Variants in TBPL1 observed in about 807,000 individuals in gnomAD.
The protein encoded by TBPL1 is TATA-box binding protein like 1.
Under a neutral mutation model 22.1 loss-of-function variants are expected in TBPL1, and 4 were observed. The observed-to-expected ratio is 0.18, with a 90% CI of 0.09 to 0.41. The LOEUF is 0.41. Ranked by LOEUF, TBPL1 falls within the 10% of genes least tolerant of loss-of-function variation. TBPL1 has a pLI of 1.00. For missense variants in TBPL1, 115 were observed against 222.3 expected (o/e 0.52, Z 3.07); for synonymous variants, 64 against 71.0 (o/e 0.90, Z 0.50).
chr6:133,985,321 T>C (rs1216761617), intron 6 of TBPL1, among the ~76,000 whole-genome samples: 18 of 72,302 alleles, frequency 2.5e-4, no homozygotes, highest in South Asian at 7.3e-4. Context: ...TATATATATA[T>C]ATATATATAT....
rs1006388697 is a variant in TBPL1, at chr6:133,965,052, A to G, written c.-45+11627A>G. On this transcript the variant is annotated intron_variant, in intron 1 of 6. Coordinates refer to ENST00000237264, the MANE Select transcript of TBPL1 (RefSeq NM_004865.4). ...AGAGGCTTGATCTTGATGCATGCCA[A>G]TTCTGACACCAACTTATGAGAAGAT... 3.3e-4 allele frequency among the ~76,000 whole-genome samples: 50 copies of G among 152,332 alleles called. No individual in the cohort carries two copies. In the Middle Eastern group the frequency reaches 0.01, roughly 31 times the overall value.
At chr6:133,954,175 A>G (rs1312602556) in intron 1 of TBPL1, among the ~76,000 whole-genome samples, 1 of 152,228 alleles carries the variant, frequency 6.6e-6, no homozygotes, top group East Asian at 1.9e-4. Flanking sequence ...AATAAGACTC[A>G]AACTGCAGTC....
At chr6:133,986,876 A>C in intron 6 of TBPL1, 85 bp from the exon 7 acceptor site, 2 of 916,342 alleles carry the variant, frequency 2.2e-6, no homozygotes, top group Non-Finnish European at 3.3e-6. Flanking sequence ...TACCACTTGA[A>C]TATTTTTAAT....
chr6:133,982,989 T>A, intron 4 of TBPL1, 109 bp downstream of exon 4: 2 of 1,053,152 alleles, frequency 1.9e-6, no homozygotes, highest in Non-Finnish European at 2.6e-6. Context: ...TTCTTATGAT[T>A]AAACTTTTTC....
intron 6 of TBPL1, chr6:133,985,975 A>G (rs1399193259): frequency 2.0e-5 from 3 of 152,226 alleles, no homozygotes; most frequent in Non-Finnish European, 2.9e-5. Flanking sequence ...AACAATGCAT[A>G]TGTAAAACTC....
Position 133,953,369 on chromosome 6 carries a change from A to G in TBPL1, c.-101A>G, listed in dbSNP as rs1052757586. On this transcript the variant is annotated 5_prime_UTR_variant, in exon 1 of 7. Transcript: ENST00000237264. The stretch of plus-strand genomic sequence containing the variant: ...TCCTCCAGCTTCTCCTTCGCATCCG[A>G]CGCAACCGGCAGCAGCGCTGCCGCC... The G allele has an allele frequency of 2.6e-5, 4 of 152,870 alleles. No individual in the cohort carries two copies. The highest frequency in any genetic ancestry group is 9.7e-5 in the African/African-American group (4 of 41,396). The allele number at this position is 152,870 out of a possible 1,614,324, so 9.5% of individuals were successfully genotyped here.
intron 2 of TBPL1, among the ~76,000 whole-genome samples, chr6:133,981,163 G>A (rs1776407182): frequency 6.6e-6 from 1 of 151,862 alleles, no homozygotes; most frequent in African/African-American, 2.4e-5. Flanking sequence ...AGTAGAGACG[G>A]GGTTTCACCG....
Position 133,987,648 on chromosome 6 carries a change from G to GTGTATATATATATATATATATATA in TBPL1, c.*609_*610insGTATATATATATATATATATATAT, listed in dbSNP as rs200249148. 7 of 88,396 alleles carry GTGTATATATATATATATATATATA rather than the reference G, an allele frequency of 7.9e-5. No individual in the cohort carries two copies. The highest frequency in any genetic ancestry group is 2.5e-4 in the African/African-American group (7 of 27,578). 5.5% of individuals were successfully genotyped at this position (88,396 alleles called of 1,614,324 possible). A position where few individuals can be genotyped will look rare whatever the true frequency, so the allele number is the denominator to read the frequency against. On this transcript the variant is annotated 3_prime_UTR_variant, in exon 7 of 7. Transcript: ENST00000237264. ...TTTGTGTGTGTGTGTGTGTGTGTGT[G>GTGTATATATATATATATATATATA]TATATATATATATATATATGCACCA... is the stretch of plus-strand genomic sequence containing the variant.
Position 133,987,812 on chromosome 6 carries a change from G to A in TBPL1, c.*772G>A, listed in dbSNP as rs1776560308. Reference sequence around the variant, plus strand: ...TTATAGATAAAGGATAATGTTTTATGTTGCTAATTTAATATGATAGAAAAT... The same window carrying A: ...TTATAGATAAAGGATAATGTTTTATATTGCTAATTTAATATGATAGAAAAT... On this transcript the variant is annotated 3_prime_UTR_variant, in exon 7 of 7. Coordinates refer to ENST00000237264, the MANE Select transcript of TBPL1 (RefSeq NM_004865.4). 1 of 152,444 alleles carries A rather than the reference G, an allele frequency of 6.6e-6. No homozygotes were observed. 9.4% of individuals were successfully genotyped at this position (152,444 alleles called of 1,614,324 possible).
intron 1 of TBPL1, among the ~76,000 whole-genome samples, chr6:133,965,826 TATA>T (rs1776108552): frequency 6.6e-6 from 1 of 152,194 alleles, no homozygotes; most frequent in Non-Finnish European, 1.5e-5. Flanking sequence ...AGAAAGGAGA[TATA>T]ATAATAGTAA....
chr6:133,974,084 G>C (rs945755570), intron 1 of TBPL1, among the ~76,000 whole-genome samples: 4 of 149,514 alleles, frequency 2.7e-5, no homozygotes, highest in African/African-American at 9.8e-5. Flanking sequence ...ATATAACTAT[G>C]TAAGTGCATA....
At chr6:133,964,825 A>G (rs923766536) in intron 1 of TBPL1, among the ~76,000 whole-genome samples, 7 of 152,348 alleles carry the variant, frequency 4.6e-5, no homozygotes, top group South Asian at 4.1e-4. Context: ...TGTGCATGAC[A>G]TAGACCTTAA....
chr6:133,955,050 A>T (rs1030388593), intron 1 of TBPL1, among the ~76,000 whole-genome samples: 2 of 152,226 alleles, frequency 1.3e-5, no homozygotes, highest in Non-Finnish European at 2.9e-5. Flanking sequence ...CATTAAGAAG[A>T]AAAAGATAGA....
At chr6:133,986,186 A>G (rs963865834) in intron 6 of TBPL1, among the ~76,000 whole-genome samples, 1 of 152,130 alleles carries the variant, frequency 6.6e-6, no homozygotes, top group Non-Finnish European at 1.5e-5. Context: ...TGTGGTTAGG[A>G]CTTTCAGAGA....
At chr6:133,953,947 A>G (rs1393056166) in intron 1 of TBPL1, among the ~76,000 whole-genome samples, 2 of 152,108 alleles carry the variant, frequency 1.3e-5, no homozygotes, top group Non-Finnish European at 2.9e-5. Flanking sequence ...TTATTTTATT[A>G]TTATTTTTGA....
At chr6:133,984,850 T>G (rs960415501) in intron 6 of TBPL1, 179 bp downstream of exon 6, 28 of 553,890 alleles carry the variant, frequency 5.1e-5, no homozygotes, top group Non-Finnish European at 8.4e-5. Context: ...TATTTATAAA[T>G]GTTACACTTA....
In TBPL1 at chr6:133,987,929, TG is replaced by T. The variant is rs1264475668; in HGVS notation, c.*891del. ...GAAATGAGAAAGAAGCTGTGATGAA[TG>T]GTGCCTCATTTGGACCTTTGTTTTT... On this transcript the variant is annotated 3_prime_UTR_variant, in exon 7 of 7. Coordinates refer to ENST00000237264, the MANE Select transcript of TBPL1 (RefSeq NM_004865.4). The T allele has an allele frequency of 6.6e-6, 1 of 152,282 alleles. No individual in the cohort carries two copies. Among genetic ancestry groups the T allele is most frequent in the Non-Finnish European group, 1.5e-5 (1 of 68,008 alleles). The allele number at this position is 152,282 out of a possible 1,614,324, so 9.4% of individuals were successfully genotyped here.
chr6:133,976,366 T>A (rs949564943), intron 1 of TBPL1, among the ~76,000 whole-genome samples: 2 of 152,232 alleles, frequency 1.3e-5, no homozygotes, highest in African/African-American at 4.8e-5. Flanking sequence ...TGGGAATATA[T>A]AGACCTATAA....
intron 4 of TBPL1, 110 bp downstream of exon 4, chr6:133,982,990 A>C (rs1776443442): frequency 1.9e-6 from 2 of 1,043,624 alleles, no homozygotes. Flanking sequence ...TCTTATGATT[A>C]AACTTTTTCT....
Sources: gnomAD v4.1 joint callset for allele counts (sites outside exome capture counted in the v4.1 genomes callset) on GRCh38, gnomAD v4.1.1 for gene constraint, MANE v1.5 for transcripts, NCBI Gene and HGNC (gene_info 2026-07-23, HGNC 2026-07-21) for gene names.